FYN: variants seen among roughly 807,000 people sequenced by gnomAD.
The protein encoded by FYN is FYN proto-oncogene, Src family tyrosine kinase.
Under a neutral mutation model 70.2 loss-of-function variants are expected in FYN, and 10 were observed. The ratio of observed to expected loss-of-function variants is 0.14; its 90% confidence interval spans 0.09 to 0.24. The LOEUF (loss-of-function observed/expected upper bound fraction) is 0.24. FYN is among the 10% of genes least tolerant of loss of function. The pLI, the probability that FYN is intolerant of heterozygous loss-of-function variation, is 1.00. For synonymous variants in FYN, 236 were observed against 248.6 expected (o/e 0.95, Z 0.48); for missense variants, 319 against 673.1 (o/e 0.47, Z 5.82).
chr6:111,838,722 C>T (rs1464915816), intron 2 of FYN, among the ~76,000 whole-genome samples: 3 of 152,220 alleles, frequency 2.0e-5, no homozygotes. Flanking sequence ...CAAAAGAACA[C>T]CATCTTCCTC....
At chr6:111,750,294 T>C (rs1802426578) in intron 3 of FYN, among the ~76,000 whole-genome samples, 1 of 152,184 alleles carries the variant, frequency 6.6e-6, no homozygotes, top group Admixed American at 6.5e-5. Flanking sequence ...CTCATGACAG[T>C]GAGTTCTTGT....
At chr6:111,696,563 T>A in intron 9 of FYN, 107 bp from the exon 10 acceptor site, 1 of 848,860 alleles carries the variant, frequency 1.2e-6, no homozygotes, top group Non-Finnish European at 1.7e-6. Context: ...TTTAAAACAC[T>A]TAATACAGTT....
At chr6:111,692,031 C>A (rs1258428631) in intron 12 of FYN, among the ~76,000 whole-genome samples, 1 of 152,100 alleles carries the variant, frequency 6.6e-6, no homozygotes, top group African/African-American at 2.4e-5. Flanking sequence ...ACTCCCTACC[C>A]CTCTGCTGCA....
intron 1 of FYN, among the ~76,000 whole-genome samples, chr6:111,867,603 T>G (rs938416825): frequency 1.3e-5 from 2 of 152,090 alleles, no homozygotes; most frequent in Non-Finnish European, 2.9e-5. Context: ...CTGCTTTCCT[T>G]ATTGGACTGC....
At chr6:111,691,718 T>C (rs1437437754) in intron 12 of FYN, among the ~76,000 whole-genome samples, 3 of 152,148 alleles carry the variant, frequency 2.0e-5, no homozygotes, top group Admixed American at 6.5e-5. Flanking sequence ...CACTAGAAGG[T>C]GCTCCTTAAA....
At chr6:111,820,034 G>A (rs560748488) in intron 2 of FYN, 1 of 152,178 alleles carries the variant, frequency 6.6e-6, no homozygotes, top group South Asian at 2.1e-4. Context: ...AACATTACAG[G>A]ACCATGACAC....
In FYN at chr6:111,867,708, C is replaced by T. The variant is rs534610333; in HGVS notation, c.-123+5260G>A. Among the ~76,000 whole-genome samples, 10 of 152,220 alleles carry T rather than the reference C, an allele frequency of 6.6e-5. No homozygotes were observed. In the East Asian group the frequency reaches 1.9e-3, roughly 29 times the overall value. On this transcript the variant is annotated intron_variant, in intron 1 of 13. Coordinates refer to ENST00000354650, the MANE Select transcript of FYN (RefSeq NM_002037.5). ...TTCTTTTTTGCTCCATCTGCACCTC[C>T]TTTCCTTCCATTTAGACCCTCATCT...
chr6:111,820,705 A>G (rs2064700), intron 2 of FYN, among the ~76,000 whole-genome samples: 47,479 of 151,990 alleles, frequency 0.31, 12,150 homozygotes, highest in African/African-American at 0.71. Flanking sequence ...AGACACTATT[A>G]TTACCAGCTC....
Position 111,686,357 on chromosome 6 carries a change from C to T in FYN, c.1273+8018G>A, listed in dbSNP as rs1387392678. On this transcript the variant is annotated intron_variant, in intron 12 of 13. Transcript: ENST00000354650. The stretch of plus-strand genomic sequence containing the variant: ...TTGATTACAAGCAGCACGGTTCAGG[C>T]ATGCGACTCAGCTCAGCGGGAAAGC... Among the ~76,000 whole-genome samples the T allele has an allele frequency of 5.9e-5, 9 of 152,164 alleles. No individual in the cohort carries two copies. The East Asian group carries it at 1.5e-3, about 26-fold the overall frequency.
At chr6:111,784,599 C>T (rs1464736018) in intron 2 of FYN, among the ~76,000 whole-genome samples, 1 of 152,184 alleles carries the variant, frequency 6.6e-6, no homozygotes, top group Non-Finnish European at 1.5e-5. Flanking sequence ...AACAGTTGCC[C>T]TCCCCAGAAG....
intron 3 of FYN, among the ~76,000 whole-genome samples, chr6:111,742,967 C>CTT (rs111682950): frequency 4.3e-5 from 6 of 139,236 alleles, no homozygotes; most frequent in Non-Finnish European, 6.3e-5. Context: ...TGATAAGAAT[C>CTT]TTTTTTTTTT....
intron 2 of FYN, among the ~76,000 whole-genome samples, chr6:111,830,974 G>A (rs993637989): frequency 6.6e-6 from 1 of 152,176 alleles, no homozygotes; most frequent in Admixed American, 6.5e-5. Context: ...GTGCAAAACA[G>A]AAGGGGGGCT....
chr6:111,725,890 C>T (rs192400456), intron 3 of FYN, among the ~76,000 whole-genome samples: 8 of 152,254 alleles, frequency 5.3e-5, no homozygotes, highest in East Asian at 3.9e-4. Context: ...TTGGCACAGC[C>T]GACTTTGAGA....
intron 1 of FYN, among the ~76,000 whole-genome samples, chr6:111,866,394 T>G (rs1049951113): frequency 1.3e-5 from 2 of 152,222 alleles, no homozygotes; most frequent in African/African-American, 4.8e-5. Flanking sequence ...CAGGATGGAA[T>G]GCAGTGGCAC....
intron 9 of FYN, 127 bp from the exon 10 acceptor site, chr6:111,696,583 C>CA (rs1324718957): frequency 1.1e-5 from 7 of 664,746 alleles, no homozygotes; most frequent in Non-Finnish European, 1.6e-5. Context: ...TTTTGTTGAA[C>CA]AAAGACATTC....
rs1034761939 is a variant in FYN, at chr6:111,873,197, C to T, written c.-352G>A. The T allele has an allele frequency of 6.8e-6, 1 of 147,704 alleles. No individual in the cohort carries two copies. Among genetic ancestry groups the T allele is most frequent in the Non-Finnish European group, 1.5e-5 (1 of 66,522 alleles). The allele number at this position is 147,704 out of a possible 1,614,324, so 9.1% of individuals were successfully genotyped here. On this transcript the variant is annotated 5_prime_UTR_variant, in exon 1 of 14. Transcript: ENST00000354650. The stretch of plus-strand genomic sequence containing the variant: ...CGCGGGCGGCGGCTTTGTGTGCGCC[C>T]GGGCGGTCCTCGGTGCGCTGGGAGA...
intron 13 of FYN, among the ~76,000 whole-genome samples, chr6:111,662,922 G>T (rs1027066687): frequency 6.6e-6 from 1 of 152,174 alleles, no homozygotes; most frequent in Non-Finnish European, 1.5e-5. Context: ...CTCTTGGGAA[G>T]CTGTTGAAAC....
chr6:111,855,414 G>C (rs1773798611), intron 1 of FYN, among the ~76,000 whole-genome samples: 1 of 152,178 alleles, frequency 6.6e-6, no homozygotes. Context: ...ATGTTACTTA[G>C]AATGTGTTAT....
At chr6:111,819,988 A>G (rs1195938983) in intron 2 of FYN, 1 of 152,146 alleles carries the variant, frequency 6.6e-6, no homozygotes, top group African/African-American at 2.4e-5. Flanking sequence ...AATTCCAAAT[A>G]CCCAAGTGTT....
Sources: allele counts gnomAD v4.1 joint callset (sites outside exome capture counted in the v4.1 genomes callset), GRCh38; gene constraint gnomAD v4.1.1; transcripts MANE v1.5; gene names NCBI Gene and HGNC (gene_info 2026-07-23, HGNC 2026-07-21).